The following COL21A1 variants were observed in gnomAD, a reference collection of about 807,000 sequenced individuals.
The protein encoded by COL21A1 is collagen type XXI alpha 1 chain.
A neutral mutation model predicts 137.9 loss-of-function variants in COL21A1; 149 were observed. The ratio of observed to expected loss-of-function variants is 1.08; its 90% confidence interval spans 0.95 to 1.24. COL21A1 has a LOEUF of 1.24. Among genes scored for constraint, COL21A1 ranks in the 50% most tolerant of loss-of-function variants. The pLI, the probability that COL21A1 is intolerant of heterozygous loss-of-function variation, is 0.00. For missense variants in COL21A1, 1,167 were observed against 1,158.4 expected (o/e 1.01, Z -0.11); for synonymous variants, 456 against 391.5 (o/e 1.16, Z -1.95).
chr6:56,372,540 C>T (rs2093991372), intron 1 of COL21A1, among the ~76,000 whole-genome samples: 2 of 152,156 alleles, frequency 1.3e-5, no homozygotes, highest in Admixed American at 6.5e-5. Flanking sequence ...ATAATGAACA[C>T]AGCACCATAT....
intron 1 of COL21A1, among the ~76,000 whole-genome samples, chr6:56,330,320 A>G (rs1181511291): frequency 6.6e-6 from 1 of 152,162 alleles, no homozygotes; most frequent in African/African-American, 2.4e-5. Context: ...ATAAACACAG[A>G]GAGAATACAT....
chr6:56,207,139 C>G (rs1423479326), intron 1 of COL21A1, among the ~76,000 whole-genome samples: 2 of 151,910 alleles, frequency 1.3e-5, no homozygotes, highest in Non-Finnish European at 2.9e-5. Context: ...ACTAGAGAAG[C>G]AACAGCAAAC....
intron 29 of COL21A1, 83 bp downstream of exon 29, chr6:56,059,082 T>C: frequency 9.7e-7 from 1 of 1,031,726 alleles, no homozygotes. Context: ...TGTCTCAGTT[T>C]CAATTTATTT....
Position 56,057,467 on chromosome 6 carries a change from C to T in COL21A1, c.*190G>A. 1.7e-6 allele frequency: 1 copy of T among 599,094 alleles called. No homozygotes were observed. Among genetic ancestry groups the T allele is most frequent in the Non-Finnish European group, 2.9e-6 (1 of 345,894 alleles). 37.1% of individuals were successfully genotyped at this position (599,094 alleles called of 1,614,324 possible). ...TTAATTAATGCTGCTAATCCAAGGGCTCCAAATGACTGAGGAGCCTTTAAA... is the reference window on the plus strand; with the variant it reads ...TTAATTAATGCTGCTAATCCAAGGGTTCCAAATGACTGAGGAGCCTTTAAA... On this transcript the variant is annotated 3_prime_UTR_variant, in exon 30 of 30. Transcript: ENST00000244728.
intron 1 of COL21A1, among the ~76,000 whole-genome samples, chr6:56,296,335 C>G (rs1172248032): frequency 6.6e-6 from 1 of 151,904 alleles, no homozygotes; most frequent in Non-Finnish European, 1.5e-5. Context: ...AGGGCATTTT[C>G]CAGTCTTCAG....
At chr6:56,204,951 A>C (rs935296331) in intron 1 of COL21A1, among the ~76,000 whole-genome samples, 3 of 152,234 alleles carry the variant, frequency 2.0e-5, no homozygotes, top group Non-Finnish European at 4.4e-5. Context: ...ATCAACAAAA[A>C]GGATGTCCAT....
intron 1 of COL21A1, among the ~76,000 whole-genome samples, chr6:56,356,639 G>A (rs983656012): frequency 3.9e-5 from 6 of 152,172 alleles, no homozygotes; most frequent in African/African-American, 7.2e-5. Flanking sequence ...CTTGGCACAC[G>A]CCTGGGAAAA....
At chr6:56,111,454 G>T (rs1387509613) in intron 16 of COL21A1, among the ~76,000 whole-genome samples, 1 of 152,148 alleles carries the variant, frequency 6.6e-6, no homozygotes, top group Non-Finnish European at 1.5e-5. Flanking sequence ...TGGTTTCTTA[G>T]TTTTGACAAA....
intron 1 of COL21A1, among the ~76,000 whole-genome samples, chr6:56,257,465 T>C (rs1358053331): frequency 2.0e-5 from 3 of 152,068 alleles, no homozygotes; most frequent in Non-Finnish European, 4.4e-5. Context: ...ATGCAAGATA[T>C]AAATATATGA....
chr6:56,071,118 T>A (rs1766711627), intron 20 of COL21A1, among the ~76,000 whole-genome samples: 1 of 151,498 alleles, frequency 6.6e-6, no homozygotes, highest in African/African-American at 2.4e-5. Flanking sequence ...GGGAGACATG[T>A]ACTTTAACAG....
chr6:56,069,719 T>C (rs1766578316), intron 21 of COL21A1, among the ~76,000 whole-genome samples: 2 of 150,700 alleles, frequency 1.3e-5, no homozygotes, highest in Admixed American at 1.3e-4. Context: ...TATGCTATCA[T>C]ATTTTTCATA....
intron 1 of COL21A1, among the ~76,000 whole-genome samples, chr6:56,274,237 A>C (rs1407413776): frequency 6.6e-6 from 1 of 152,216 alleles, no homozygotes; most frequent in Non-Finnish European, 1.5e-5. Flanking sequence ...GGAGCCATCT[A>C]TGACAAACCC....
intron 1 of COL21A1, among the ~76,000 whole-genome samples, chr6:56,260,585 A>AAGAAGAAGAAGAAGAAGAAGAAGAAGAAG (rs1430065674): frequency 1.1e-5 from 1 of 91,772 alleles, no homozygotes; most frequent in African/African-American, 3.6e-5. Flanking sequence ...AAAAAAAAAG[A>AAGAAGAAGAAGAAGAAGAAGAAGAAGAAG]AAGAAGAAGA....
intron 1 of COL21A1, among the ~76,000 whole-genome samples, chr6:56,338,409 G>C (rs1765382449): frequency 1.3e-5 from 2 of 151,960 alleles, no homozygotes; most frequent in Non-Finnish European, 2.9e-5. Flanking sequence ...TGATTGCACA[G>C]TTCTCTGACA....
chr6:56,216,259 A>G (rs1387587569), intron 1 of COL21A1, among the ~76,000 whole-genome samples: 1 of 152,084 alleles, frequency 6.6e-6, no homozygotes, highest in Non-Finnish European at 1.5e-5. Flanking sequence ...TGTTCCAACC[A>G]ACCAAGCCAA....
intron 1 of COL21A1, among the ~76,000 whole-genome samples, chr6:56,203,093 T>C (rs922100230): frequency 6.6e-6 from 1 of 152,206 alleles, no homozygotes; most frequent in Non-Finnish European, 1.5e-5. Flanking sequence ...ATTGTCAAAA[T>C]ATTTTATTTT....
intron 12 of COL21A1, among the ~76,000 whole-genome samples, chr6:56,130,666 T>C (rs539356357): frequency 1.3e-5 from 2 of 151,666 alleles, no homozygotes; most frequent in South Asian, 4.2e-4. Flanking sequence ...CAGAAAAAAA[T>C]ACGAGGTCTG....
intron 1 of COL21A1, among the ~76,000 whole-genome samples, chr6:56,386,922 G>A (rs576508663): frequency 1.3e-4 from 20 of 152,198 alleles, no homozygotes; most frequent in Non-Finnish European, 2.5e-4. Context: ...GAAAGAAAGG[G>A]AGAAGTGAAA....
intron 3 of COL21A1, 74 bp downstream of exon 3, chr6:56,179,504 A>G: frequency 9.1e-7 from 1 of 1,093,190 alleles, no homozygotes; most frequent in Non-Finnish European, 1.3e-6. Flanking sequence ...GTGTTAATGA[A>G]GAAATTATAT....
Sources: gnomAD v4.1 joint callset for allele counts (sites outside exome capture counted in the v4.1 genomes callset) on GRCh38, gnomAD v4.1.1 for gene constraint, MANE v1.5 for transcripts, NCBI Gene and HGNC (gene_info 2026-07-23, HGNC 2026-07-21) for gene names.